LAP3: variants seen among roughly 807,000 people sequenced by gnomAD.
LAP3 encodes leucine aminopeptidase 3.
In LAP3, 46 loss-of-function variants were observed where a neutral mutation model predicts 58.8. The observed-to-expected ratio is 0.78, with a 90% CI of 0.62 to 1.00. The LOEUF (loss-of-function observed/expected upper bound fraction) is 1.00, where lower values mean the gene tolerates loss of function less well. LAP3 is among the 50% of genes least tolerant of loss of function. LAP3 has a pLI of 0.00. For synonymous variants in LAP3, 257 were observed against 237.7 expected (o/e 1.08, Z -0.75); for missense variants, 615 against 659.1 (o/e 0.93, Z 0.73).
At chr4:17,583,878 C>G (rs1049502110) in intron 5 of LAP3, among the ~76,000 whole-genome samples, 1 of 152,228 alleles carries the variant, frequency 6.6e-6, no homozygotes, top group African/African-American at 2.4e-5. Context: ...GCTCTGATTA[C>G]AAGGAAGCCA....
At chr4:17,606,629 T>C (rs1295176397) in intron 11 of LAP3, among the ~76,000 whole-genome samples, 200 bp from the exon 12 acceptor site, 1 of 152,240 alleles carries the variant, frequency 6.6e-6, no homozygotes, top group African/African-American at 2.4e-5. Flanking sequence ...TGAGCCACTG[T>C]CCCCAGCCTC....
chr4:17,590,862 G>A (rs777073821), intron 7 of LAP3, among the ~76,000 whole-genome samples: 3 of 151,118 alleles, frequency 2.0e-5, no homozygotes, highest in African/African-American at 4.9e-5. Context: ...GAGCCACTGC[G>A]CCTGGCCACT....
At chr4:17,585,719 C>T (rs927479574) in intron 6 of LAP3, 4 of 152,556 alleles carry the variant, frequency 2.6e-5, no homozygotes, top group African/African-American at 9.6e-5. Context: ...GCCATGCGGC[C>T]TGGTATTTAG....
Position 17,604,569 on chromosome 4 carries a change from G to C in LAP3, c.1181-19G>C. The C allele has an allele frequency of 6.2e-7, 1 of 1,610,830 alleles. No homozygotes were observed. Among genetic ancestry groups the C allele is most frequent in the Non-Finnish European group, 8.5e-7 (1 of 1,177,050 alleles). On this transcript the variant is annotated intron_variant, in intron 10 of 12. Coordinates refer to ENST00000226299, the MANE Select transcript of LAP3 (RefSeq NM_015907.3). The stretch of plus-strand genomic sequence containing the variant: ...TGCCTGGAGAGACTGCACGTGACCT[G>C]AGGGCTTGTGTCTTACAGGTGCCAT...
At chr4:17,583,787 A>T (rs1056938026) in intron 5 of LAP3, 145 bp downstream of exon 5, 1 of 828,534 alleles carries the variant, frequency 1.2e-6, no homozygotes, top group South Asian at 1.7e-5. Context: ...CATTTTAATA[A>T]TGTGGTCAAA....
At chr4:17,584,347 T>G (rs984212006) in intron 5 of LAP3, among the ~76,000 whole-genome samples, 7 of 152,186 alleles carry the variant, frequency 4.6e-5, no homozygotes, top group African/African-American at 1.7e-4. Context: ...AAAGAGCACA[T>G]CAAGTAGGGG....
chr4:17,590,135 A>G (rs528582290), intron 7 of LAP3, among the ~76,000 whole-genome samples: 1 of 152,156 alleles, frequency 6.6e-6, no homozygotes, highest in African/African-American at 2.4e-5. Flanking sequence ...GAGGGGTTTC[A>G]TTTTTGTTTT....
At chr4:17,600,372 T>G (rs1298451807) in intron 10 of LAP3, among the ~76,000 whole-genome samples, 1 of 143,874 alleles carries the variant, frequency 7.0e-6, no homozygotes, top group Non-Finnish European at 1.5e-5. Flanking sequence ...CTATTCAGTT[T>G]AGCAAACACT....
chr4:17,607,310 TC>T (rs1332914196), intron 12 of LAP3, 89 bp from the exon 13 acceptor site: 1 of 1,086,632 alleles, frequency 9.2e-7, no homozygotes, highest in East Asian at 2.4e-5. Flanking sequence ...TGACTCTTGT[TC>T]TTTGGTTATA....
rs778270880 is a variant in LAP3 at position 17,588,901 on chromosome 4, G to T, written c.787G>T (p.Glu263Ter). 17 of 1,614,116 alleles carry T rather than the reference G, an allele frequency of 1.1e-5. 1 individual carries two copies. In the South Asian group the frequency reaches 1.5e-4, roughly 15 times the overall value. ...ATCTGACGAGCCCCCAGTCTTCTTG[G>T]AAATTCACTACAAAGGCAGCCCCAA... ...KGSDEPPVFLEIHYKGSPNAN... is the reference protein window; with the variant it reads ...KGSDEPPVFL The change falls in exon 7 of 13, where the codon GAA becomes TAA. Residue 263 changes from glutamate to a stop codon, truncating the protein, a stop_gained. Transcript: ENST00000226299. LOFTEE classifies it high-confidence loss of function.
Position 17,590,840 on chromosome 4 carries a change from G to C in LAP3, c.863+1863G>C, listed in dbSNP as rs187278836. ...CCGCCTCGGTCTCCTGAACTGCTGGGATTACAGGCGTGAGCCACTGCGCCT... is the reference window on the plus strand; with the variant it reads ...CCGCCTCGGTCTCCTGAACTGCTGGCATTACAGGCGTGAGCCACTGCGCCT... On this transcript the variant is annotated intron_variant, in intron 7 of 12. Transcript: ENST00000226299. Among the ~76,000 whole-genome samples the C allele has an allele frequency of 4.5e-3, 691 of 152,058 alleles. 4 individuals carry two copies. The highest frequency in any genetic ancestry group is 0.016 in the African/African-American group (670 of 41,464).
chr4:17,582,670 C>T lies in LAP3; in HGVS notation c.379+277C>T, dbSNP rs1713395083. Reference sequence around the variant, plus strand: ...CTTGTCATATTAGAGCTGTGTTTTCCCAGAACCTGTAGTGTATAGATTTTT... The same window carrying T: ...CTTGTCATATTAGAGCTGTGTTTTCTCAGAACCTGTAGTGTATAGATTTTT... On this transcript the variant is annotated intron_variant, in intron 4 of 12. Coordinates refer to ENST00000226299, the MANE Select transcript of LAP3 (RefSeq NM_015907.3). 3 of 289,844 alleles carry T rather than the reference C, an allele frequency of 1.0e-5. No homozygotes were observed. The South Asian group carries it at 1.2e-4, about 12-fold the overall frequency. 18.0% of individuals were successfully genotyped at this position (289,844 alleles called of 1,614,324 possible).
intron 10 of LAP3, among the ~76,000 whole-genome samples, chr4:17,601,574 C>T: frequency 6.6e-6 from 1 of 152,038 alleles, no homozygotes; most frequent in East Asian, 1.9e-4. Flanking sequence ...TATATATTGT[C>T]CCTCAGTATG....
In LAP3 at chr4:17,584,958, C is replaced by T. The variant is rs770563241; in HGVS notation, c.540-14C>T. 3.7e-6 allele frequency: 6 copies of T among 1,611,682 alleles called. No homozygotes were observed. Among genetic ancestry groups the T allele is most frequent in the Non-Finnish European group, 5.1e-6 (6 of 1,178,806 alleles). ...AGAGGTTGTTTGACAGTCACTTTAT[C>T]TTTCTTCTGCCAGTGGGGATCAGGA... is the stretch of plus-strand genomic sequence containing the variant. On this transcript the variant is annotated splice_polypyrimidine_tract_variant and intron_variant, in intron 5 of 12. Coordinates refer to ENST00000226299, the MANE Select transcript of LAP3 (RefSeq NM_015907.3).
At chr4:17,590,921 A>G (rs1404297061) in intron 7 of LAP3, among the ~76,000 whole-genome samples, 1 of 139,436 alleles carries the variant, frequency 7.2e-6, no homozygotes, top group Non-Finnish European at 1.5e-5. Flanking sequence ...TAGAAAGTTA[A>G]ACTTTTTTTT....
intron 7 of LAP3, among the ~76,000 whole-genome samples, chr4:17,593,794 A>G (rs1389330768): frequency 6.6e-6 from 1 of 151,164 alleles, no homozygotes; most frequent in African/African-American, 2.4e-5. Flanking sequence ...TGTATTTTTT[A>G]TAGAGATGGG....
chr4:17,607,542 A>G lies in LAP3; in HGVS notation c.1513A>G (p.Arg505Gly), dbSNP rs1243683911. The G allele has an allele frequency of 6.8e-6, 11 of 1,614,054 alleles. No individual in the cohort carries two copies. The highest frequency in any genetic ancestry group is 1.1e-5 in the South Asian group (1 of 91,054). The change falls in exon 13 of 13, where the codon AGG becomes GGG. Residue 505 changes from arginine to glycine, a missense_variant. Transcript: ENST00000226299. ...LRKGMTGRPTRTLIEFLLRFS... is the reference protein window; with the variant it reads ...LRKGMTGRPTGTLIEFLLRFS... ...GAAAGGCATGACTGGGAGGCCCACA[A>G]GGACTCTCATTGAGTTCTTACTTCG...
chr4:17,591,826 C>T (rs1713694862), intron 7 of LAP3, among the ~76,000 whole-genome samples: 1 of 152,104 alleles, frequency 6.6e-6, no homozygotes, highest in Non-Finnish European at 1.5e-5. Context: ...TCGCTGCGGG[C>T]CTGCTTAGAT....
intron 7 of LAP3, among the ~76,000 whole-genome samples, chr4:17,592,806 G>A (rs1042856633): frequency 6.6e-6 from 1 of 152,164 alleles, no homozygotes; most frequent in African/African-American, 2.4e-5. Flanking sequence ...GACTAATGAA[G>A]TCGGTCATTT....
Sources: gnomAD v4.1 joint callset for allele counts (sites outside exome capture counted in the v4.1 genomes callset) on GRCh38, gnomAD v4.1.1 for gene constraint, MANE v1.5 for transcripts, NCBI Gene and HGNC (gene_info 2026-07-23, HGNC 2026-07-21) for gene names.